GHR: variants seen among roughly 807,000 people sequenced by gnomAD.
The protein encoded by GHR is GH receptor.
GHR carries 35 observed loss-of-function variants against 67.1 expected under a neutral mutation model. That is an observed-to-expected ratio of 0.52 (90% CI 0.40 to 0.69). The LOEUF (loss-of-function observed/expected upper bound fraction) is 0.69. Among genes scored for constraint, GHR ranks in the 30% least tolerant of loss-of-function variants. The pLI is 0.00. For missense variants in GHR, 792 were observed against 764.6 expected, an observed-to-expected ratio of 1.04 and a Z score of -0.42; for synonymous variants, 272 against 269.1, an observed-to-expected ratio of 1.01 and a Z score of -0.10.
At chr5:42,483,274 A>T (rs1745735050) in intron 1 of GHR, among the ~76,000 whole-genome samples, 1 of 152,084 alleles carries the variant, frequency 6.6e-6, no homozygotes, top group African/African-American at 2.4e-5. Context: ...CTGATCTCCA[A>T]CACCTGGGAT....
At position 42,518,720 on chromosome 5, in the gene GHR, C is replaced by A. The variant is rs181866853; in HGVS notation, c.-11-47144C>A. Among the ~76,000 whole-genome samples, 5 of 152,268 alleles carry A rather than the reference C, an allele frequency of 3.3e-5. No individual in the cohort carries two copies. The East Asian group carries it at 9.6e-4, about 29-fold the overall frequency. On this transcript the variant is annotated intron_variant, in intron 1 of 9. Transcript: ENST00000230882. Reference sequence around the variant, plus strand: ...GCGCACTCGGCCTAGATGAATAAATCCTCCTTGAAGAAGGCGGGGCATTTT... The same window carrying A: ...GCGCACTCGGCCTAGATGAATAAATACTCCTTGAAGAAGGCGGGGCATTTT...
intron 1 of GHR, among the ~76,000 whole-genome samples, chr5:42,542,217 G>A (rs892248299): frequency 1.3e-5 from 2 of 152,310 alleles, no homozygotes; most frequent in Admixed American, 1.3e-4. Flanking sequence ...AGAATCAATG[G>A]AGAAGGGTGT....
chr5:42,566,671 C>CCT (rs34296381), intron 2 of GHR, among the ~76,000 whole-genome samples: 5 of 146,348 alleles, frequency 3.4e-5, no homozygotes, highest in Admixed American at 6.9e-5. Context: ...GGGTGGGAGA[C>CCT]TTTTTTTTTT....
At chr5:42,491,539 C>A (rs1374353580) in intron 1 of GHR, among the ~76,000 whole-genome samples, 1 of 152,186 alleles carries the variant, frequency 6.6e-6, no homozygotes, top group Non-Finnish European at 1.5e-5. Flanking sequence ...AATCATGCTA[C>A]AGAGTTCTAT....
intron 2 of GHR, among the ~76,000 whole-genome samples, chr5:42,591,426 T>C (rs1187278289): frequency 6.6e-6 from 1 of 152,214 alleles, no homozygotes; most frequent in Non-Finnish European, 1.5e-5. Context: ...ACTGTTTGAC[T>C]GTTATTAAAA....
At chr5:42,465,061 G>A (rs1269554216) in intron 1 of GHR, among the ~76,000 whole-genome samples, 1 of 152,208 alleles carries the variant, frequency 6.6e-6, no homozygotes, top group Admixed American at 6.5e-5. Context: ...TGATTATTCT[G>A]TAAAGTGCTG....
rs139035266 is a variant in GHR, at chr5:42,654,524, G to A, written c.136+25421G>A. On this transcript the variant is annotated intron_variant, in intron 3 of 9. Coordinates refer to ENST00000230882, the MANE Select transcript of GHR (RefSeq NM_000163.5). ...AATCTTATAACATGAATATTACACT[G>A]TCTTCCAAATGTGAGCCTCTAATTA... Among the ~76,000 whole-genome samples the A allele has an allele frequency of 4.6e-3, 705 of 152,144 alleles. 6 individuals are homozygous for A. Among genetic ancestry groups the A allele is most frequent in the African/African-American group, 0.016 (676 of 41,498 alleles).
chr5:42,440,762 G>A (rs1690609013), intron 1 of GHR, among the ~76,000 whole-genome samples: 1 of 152,198 alleles, frequency 6.6e-6, no homozygotes, highest in South Asian at 2.1e-4. Flanking sequence ...TGATGCTGAA[G>A]ATTGAAAGGA....
chr5:42,667,441 A>G (rs1193703467), intron 3 of GHR, among the ~76,000 whole-genome samples: 3 of 152,158 alleles, frequency 2.0e-5, no homozygotes, highest in Admixed American at 6.5e-5. Flanking sequence ...TCATTGTACT[A>G]ATATAACATA....
chr5:42,522,730 T>A (rs1459016160), intron 1 of GHR, among the ~76,000 whole-genome samples: 2 of 152,200 alleles, frequency 1.3e-5, no homozygotes, highest in African/African-American at 4.8e-5. Flanking sequence ...CTTCCAAGAT[T>A]GTTTTTGTGG....
chr5:42,622,304 C>T (rs1043492621), intron 2 of GHR, among the ~76,000 whole-genome samples: 2 of 152,192 alleles, frequency 1.3e-5, no homozygotes, highest in East Asian at 3.9e-4. Context: ...TCAGCATGTA[C>T]TTTATCAAGT....
chr5:42,652,935 T>C (rs1333230303), intron 3 of GHR, among the ~76,000 whole-genome samples: 1 of 152,038 alleles, frequency 6.6e-6, no homozygotes, highest in Non-Finnish European at 1.5e-5. Context: ...TCTAGAATAA[T>C]GAGAAGCAGT....
intron 2 of GHR, among the ~76,000 whole-genome samples, chr5:42,600,915 A>ATTTTTTTTTTT (rs1580026633): frequency 1.2e-5 from 1 of 86,142 alleles, no homozygotes; most frequent in East Asian, 3.3e-4. Context: ...TATTCTTTCT[A>ATTTTTTTTTTT]TTCTTTTTTT....
At chr5:42,476,380 CG>C (rs564997774) in intron 1 of GHR, among the ~76,000 whole-genome samples, 219 of 151,996 alleles carry the variant, frequency 1.4e-3, no homozygotes, top group African/African-American at 5.1e-3. Context: ...CCACCATGCC[CG>C]GCTAAATTTT....
chr5:42,710,005 T>C (rs967992600), intron 6 of GHR, among the ~76,000 whole-genome samples: 16 of 151,284 alleles, frequency 1.1e-4, no homozygotes, highest in Non-Finnish European at 1.9e-4. Flanking sequence ...TTGGTGACAA[T>C]AACAGAGAAA....
At chr5:42,698,824 TC>T (rs1757798162) in intron 5 of GHR, among the ~76,000 whole-genome samples, 1 of 152,032 alleles carries the variant, frequency 6.6e-6, no homozygotes, top group Admixed American at 6.6e-5. Context: ...TTCAAAACCC[TC>T]AGTAATGAGA....
rs1373560735 is a variant in GHR, at chr5:42,555,710, ATGT to A, written c.-11-10150_-11-10148del. Among the ~76,000 whole-genome samples the A allele has an allele frequency of 5.3e-5, 8 of 152,248 alleles. No homozygotes were observed. In the East Asian group the frequency reaches 1.5e-3, roughly 29 times the overall value. The stretch of plus-strand genomic sequence containing the variant: ...CCTGGCACACTTATTTTTTGGGTAG[ATGT>A]TGTAGTGAACATCTACTCTGTGGCA... On this transcript the variant is annotated intron_variant, in intron 1 of 9. Transcript: ENST00000230882.
At chr5:42,474,329 G>GAAAAGAAAT (rs1745189019) in intron 1 of GHR, among the ~76,000 whole-genome samples, 1 of 146,422 alleles carries the variant, frequency 6.8e-6, no homozygotes, top group African/African-American at 2.7e-5. Flanking sequence ...AAGAAAGAAA[G>GAAAAGAAAT]AAAGAAAGAA....
intron 4 of GHR, among the ~76,000 whole-genome samples, chr5:42,694,016 C>T (rs1757550477): frequency 6.6e-6 from 1 of 152,114 alleles, no homozygotes; most frequent in Non-Finnish European, 1.5e-5. Flanking sequence ...TCCCTTTGAC[C>T]TCTCTGTTTA....
Sources: allele counts gnomAD v4.1 joint callset (sites outside exome capture counted in the v4.1 genomes callset), GRCh38; gene constraint gnomAD v4.1.1; transcripts MANE v1.5; gene names NCBI Gene and HGNC (gene_info 2026-07-23, HGNC 2026-07-21).